The following PAX3 variants were observed in gnomAD, a reference collection of about 807,000 sequenced individuals.
PAX3 encodes paired box 3.
A neutral mutation model predicts 51.6 loss-of-function variants in PAX3; 14 were observed. The observed-to-expected ratio is 0.27, with a 90% confidence interval of 0.18 to 0.42. PAX3 has a LOEUF of 0.42. PAX3 is among the 10% of genes least tolerant of loss of function. PAX3 has a pLI of 1.00. For synonymous variants in PAX3, 280 were observed against 253.4 expected (o/e 1.11, Z -1.00); for missense variants, 540 against 642.8 (o/e 0.84, Z 1.73).
chr2:222,237,425 A>G (rs1325240032), intron 4 of PAX3, among the ~76,000 whole-genome samples: 2 of 152,062 alleles, frequency 1.3e-5, no homozygotes, highest in East Asian at 3.9e-4. Flanking sequence ...TCACTTAGCT[A>G]ATCACCACTA....
intron 4 of PAX3, among the ~76,000 whole-genome samples, chr2:222,285,973 T>C (rs1694820463): frequency 6.6e-6 from 1 of 152,242 alleles, no homozygotes; most frequent in South Asian, 2.1e-4. Context: ...AGTCTCGCTC[T>C]GTCATCCAGG....
At chr2:222,242,313 C>A (rs1264666894) in intron 4 of PAX3, 3 of 151,992 alleles carry the variant, frequency 2.0e-5, no homozygotes, top group Non-Finnish European at 2.9e-5. Flanking sequence ...GGATTTTTTA[C>A]CATTATGGAC....
intron 4 of PAX3, among the ~76,000 whole-genome samples, chr2:222,289,248 A>G (rs1044680868): frequency 2.6e-5 from 4 of 152,110 alleles, no homozygotes; most frequent in Admixed American, 2.0e-4. Flanking sequence ...CTCATTTCTC[A>G]CCGTTTGTTT....
intron 4 of PAX3, among the ~76,000 whole-genome samples, chr2:222,259,427 C>CAGGT (rs1211996221): frequency 6.6e-6 from 1 of 152,170 alleles, no homozygotes; most frequent in Admixed American, 6.5e-5. Flanking sequence ...AAGCACTTTA[C>CAGGT]AGGTAATACA....
At chr2:222,243,135 T>A (rs1403118949) in intron 4 of PAX3, among the ~76,000 whole-genome samples, 1 of 152,162 alleles carries the variant, frequency 6.6e-6, no homozygotes, top group Non-Finnish European at 1.5e-5. Flanking sequence ...AAGATTAGCA[T>A]GACACGAGAT....
intron 4 of PAX3, among the ~76,000 whole-genome samples, chr2:222,269,482 T>C (rs547632298): frequency 6.6e-6 from 1 of 152,330 alleles, no homozygotes; most frequent in African/African-American, 2.4e-5. Context: ...ACGGTCACCA[T>C]GGCTAAAGGC....
intron 4 of PAX3, among the ~76,000 whole-genome samples, chr2:222,270,470 G>A (rs557180107): frequency 6.6e-6 from 1 of 152,278 alleles, no homozygotes; most frequent in East Asian, 1.9e-4. Context: ...CAATAAAATT[G>A]TCGCTGCTAA....
chr2:222,291,903 ATGC>A (rs1399956476), intron 4 of PAX3, among the ~76,000 whole-genome samples: 2 of 151,984 alleles, frequency 1.3e-5, no homozygotes, highest in Non-Finnish European at 1.5e-5. Context: ...GGAGCTAGAG[ATGC>A]TGAAGAGACA....
At chr2:222,239,810 CTT>C (rs1692939904) in intron 4 of PAX3, among the ~76,000 whole-genome samples, 1 of 142,698 alleles carries the variant, frequency 7.0e-6, no homozygotes, top group Admixed American at 7.0e-5. Context: ...GCAAAAGACT[CTT>C]TAGCAAGTGC....
At chr2:222,292,440 T>G (rs1383463189) in intron 4 of PAX3, among the ~76,000 whole-genome samples, 1 of 152,224 alleles carries the variant, frequency 6.6e-6, no homozygotes, top group South Asian at 2.1e-4. Context: ...AAGGACTTCT[T>G]TGTAAAAGCT....
intron 4 of PAX3, chr2:222,265,041 G>T (rs1158799323): frequency 6.6e-6 from 1 of 152,168 alleles, no homozygotes; most frequent in South Asian, 2.1e-4. Flanking sequence ...CATTCCCACA[G>T]TGCCCTGGAC....
intron 4 of PAX3, among the ~76,000 whole-genome samples, chr2:222,289,069 G>T (rs772747890): frequency 1.3e-5 from 2 of 152,242 alleles, no homozygotes. Flanking sequence ...AGAGCAGCCA[G>T]TGAGATAAGA....
intron 4 of PAX3, among the ~76,000 whole-genome samples, chr2:222,240,546 T>A (rs751032977): frequency 6.6e-6 from 1 of 152,170 alleles, no homozygotes; most frequent in African/African-American, 2.4e-5. Context: ...GCCCTGCTAG[T>A]GATTATTTTT....
chr2:222,277,272 AG>A (rs1273585066), intron 4 of PAX3, among the ~76,000 whole-genome samples: 4 of 152,196 alleles, frequency 2.6e-5, no homozygotes, highest in Non-Finnish European at 5.9e-5. Context: ...GCTTCTGGCC[AG>A]GGAGGGCCAG....
At chr2:222,214,382 A>C (rs971956288) in intron 7 of PAX3, 1 of 152,188 alleles carries the variant, frequency 6.6e-6, no homozygotes, top group South Asian at 2.1e-4. Flanking sequence ...TGCAATTTAC[A>C]TACATTACAC....
intron 4 of PAX3, among the ~76,000 whole-genome samples, chr2:222,239,953 C>T (rs770998385): frequency 6.6e-6 from 1 of 152,164 alleles, no homozygotes; most frequent in Non-Finnish European, 1.5e-5. Context: ...CAGCAGTCCC[C>T]TATTTTTTGG....
intron 4 of PAX3, among the ~76,000 whole-genome samples, chr2:222,253,633 C>CTTTTTTTTTTTTTTT (rs5838943): frequency 6.8e-6 from 1 of 146,476 alleles, no homozygotes; most frequent in Non-Finnish European, 1.5e-5. Flanking sequence ...CAAAACTTTT[C>CTTTTTTTTTTTTTTT]TTTTTTTTTT....
intron 4 of PAX3, among the ~76,000 whole-genome samples, chr2:222,291,099 G>A (rs532873152): frequency 2.3e-3 from 350 of 152,298 alleles, no homozygotes; most frequent in African/African-American, 7.9e-3. Flanking sequence ...GCACAGGAGT[G>A]GGGGCCCAGC....
chr2:222,264,747 GCT>G (rs1693983391), intron 4 of PAX3: 1 of 152,144 alleles, frequency 6.6e-6, no homozygotes, highest in Admixed American at 6.5e-5. Context: ...AGTGCATCAG[GCT>G]CTGTTCTTTC....
Sources: gnomAD v4.1 joint callset for allele counts (sites outside exome capture counted in the v4.1 genomes callset) on GRCh38, gnomAD v4.1.1 for gene constraint, MANE v1.5 for transcripts, NCBI Gene and HGNC (gene_info 2026-07-23, HGNC 2026-07-21) for gene names.